The following UGGT2 variants were observed in gnomAD, a reference collection of about 807,000 sequenced individuals.
UGGT2 encodes UDP-glucose glycoprotein glucosyltransferase 2, also known as UDP-glucose:glycoprotein glucosyltransferase 2.
UGGT2 carries 180 observed loss-of-function variants against 192.1 expected under a neutral mutation model. That is an observed-to-expected ratio of 0.94 (90% CI 0.83 to 1.06). UGGT2 has a LOEUF of 1.06. Among genes scored for constraint, UGGT2 ranks in the 50% least tolerant of loss-of-function variants. UGGT2 has a pLI of 0.00. For missense variants in UGGT2, 1,849 were observed against 1,795.7 expected (o/e 1.03, Z -0.54); for synonymous variants, 580 against 591.0 (o/e 0.98, Z 0.27).
chr13:95,986,415 C>G lies in UGGT2; in HGVS notation c.949G>C (p.Ala317Pro). Reference protein sequence around the residue: ...WELQDLSFQAASQIMSAPVYD... With the variant: ...WELQDLSFQAPSQIMSAPVYD... ...ACTGGAGCGGACATTATTTGAGAAG[C>G]TGCTTGAAAACTAAGATCTGGAAGG... The change falls in exon 9 of 39, where the codon GCT becomes CCT. Residue 317 changes from alanine to proline, a missense_variant. By Grantham distance (27) the Ala-to-Pro change is conservative. Transcript: ENST00000376747. 1 of 1,601,024 alleles carries G rather than the reference C, an allele frequency of 6.2e-7. No individual in the cohort carries two copies. Among genetic ancestry groups the G allele is most frequent in the Non-Finnish European group, 8.5e-7 (1 of 1,170,456 alleles).
At chr13:95,955,350 C>T (rs1226229312) in intron 12 of UGGT2, among the ~76,000 whole-genome samples, 1 of 151,934 alleles carries the variant, frequency 6.6e-6, no homozygotes, top group Non-Finnish European at 1.5e-5. Context: ...AGAAAAGTTG[C>T]AATAGGCCAA....
chr13:95,812,940 T>C (rs910671743), intron 38 of UGGT2, among the ~76,000 whole-genome samples: 4 of 152,164 alleles, frequency 2.6e-5, no homozygotes, highest in Non-Finnish European at 5.9e-5. Context: ...GAACTATACA[T>C]TTTGATCGGT....
At chr13:95,925,126 A>G (rs1281225187) in intron 20 of UGGT2, among the ~76,000 whole-genome samples, 1 of 152,218 alleles carries the variant, frequency 6.6e-6, no homozygotes, top group African/African-American at 2.4e-5. Context: ...ATAAACTTAT[A>G]TATTAACTTA....
At chr13:95,840,200 C>A (rs556740473) in intron 36 of UGGT2, among the ~76,000 whole-genome samples, 1 of 152,222 alleles carries the variant, frequency 6.6e-6, no homozygotes, top group South Asian at 2.1e-4. Flanking sequence ...CAAATGGGAT[C>A]TATTTAAACT....
intron 8 of UGGT2, among the ~76,000 whole-genome samples, chr13:95,987,637 T>C (rs895543849): frequency 2.6e-5 from 4 of 152,146 alleles, no homozygotes; most frequent in African/African-American, 9.7e-5. Flanking sequence ...TATTAGAACT[T>C]AGACAAGAGC....
At chr13:95,994,094 A>G (rs1179881478) in intron 7 of UGGT2, among the ~76,000 whole-genome samples, 1 of 152,132 alleles carries the variant, frequency 6.6e-6, no homozygotes, top group Non-Finnish European at 1.5e-5. Flanking sequence ...GTTCAAGCTA[A>G]AGGTCCAATA....
chr13:96,043,004 G>A (rs1594632932), intron 1 of UGGT2, among the ~76,000 whole-genome samples: 1 of 152,112 alleles, frequency 6.6e-6, no homozygotes, highest in African/African-American at 2.4e-5. Context: ...AATACAAGAA[G>A]CTCAAAGAAC....
Position 95,801,818 on chromosome 13 carries a change from A to C in UGGT2, c.4529-6T>G, listed in dbSNP as rs199894301. The C allele has an allele frequency of 1.9e-6, 3 of 1,613,802 alleles. No individual in the cohort carries two copies. Among genetic ancestry groups the C allele is most frequent in the Non-Finnish European group, 2.5e-6 (3 of 1,179,806 alleles). Reference sequence around the variant, plus strand: ...GAGTTCATCATGTGTCAAAACTATAAGGGAGAAAAGTTTATTTAGCTTCTG... The same window carrying C: ...GAGTTCATCATGTGTCAAAACTATACGGGAGAAAAGTTTATTTAGCTTCTG... On this transcript the variant is annotated splice_polypyrimidine_tract_variant and splice_region_variant and intron_variant, in intron 38 of 38. Coordinates refer to ENST00000376747, the MANE Select transcript of UGGT2 (RefSeq NM_020121.4).
chr13:95,962,916 C>T (rs1229664560), intron 12 of UGGT2, among the ~76,000 whole-genome samples: 7 of 152,120 alleles, frequency 4.6e-5, no homozygotes. Context: ...GAACAAGTCA[C>T]ATCTTATATG....
chr13:95,937,142 T>TA (rs2049493212), intron 16 of UGGT2, 54 bp from the exon 17 acceptor site: 8 of 1,528,046 alleles, frequency 5.2e-6, no homozygotes, highest in Non-Finnish European at 7.0e-6. Flanking sequence ...GTTTGAATAA[T>TA]AAACATAAGA....
chr13:95,993,509 A>C (rs2140908032), intron 7 of UGGT2, among the ~76,000 whole-genome samples: 1 of 152,362 alleles, frequency 6.6e-6, no homozygotes, highest in East Asian at 1.9e-4. Flanking sequence ...AAAGAACTAT[A>C]AATTCCAAGA....
At position 95,832,964 on chromosome 13, in the gene UGGT2, T is replaced by C. The variant is rs1379648209; in HGVS notation, c.4491A>G (p.Gln1497=). The change falls in exon 38 of 39, where the codon CAA becomes CAG. Residue 1497 remains glutamine (Q), a synonymous_variant. Coordinates refer to ENST00000376747, the MANE Select transcript of UGGT2 (RefSeq NM_020121.4). ...EWVEYDAEIR[Q]LLDHLENKKQ... ...TCTTGTTTTCAAGATGATCTAATAG[T>C]TGTCTTATCTCAGCATCATACTCCA... 2.5e-6 allele frequency: 4 copies of C among 1,612,826 alleles called. No individual in the cohort carries two copies. The highest frequency in any genetic ancestry group is 4.5e-5 in the East Asian group (2 of 44,810).
intron 4 of UGGT2, among the ~76,000 whole-genome samples, chr13:96,017,048 T>C (rs190325232): frequency 7.9e-5 from 12 of 152,362 alleles, no homozygotes; most frequent in Admixed American, 6.5e-4. Context: ...ATGGGGCCTG[T>C]TACTCTTTTC....
intron 38 of UGGT2, among the ~76,000 whole-genome samples, chr13:95,825,535 T>C (rs529654183): frequency 4.6e-5 from 7 of 152,170 alleles, no homozygotes; most frequent in Non-Finnish European, 1.0e-4. Context: ...GAATTGTGAC[T>C]GCCTCTTGTG....
chr13:95,839,940 T>C (rs1341397836), intron 36 of UGGT2, among the ~76,000 whole-genome samples: 1 of 152,222 alleles, frequency 6.6e-6, no homozygotes, highest in Admixed American at 6.5e-5. Context: ...ACAGAAGATA[T>C]ATCAATGGCT....
intron 30 of UGGT2, among the ~76,000 whole-genome samples, chr13:95,865,435 A>G (rs1890574499): frequency 1.3e-5 from 2 of 152,220 alleles, no homozygotes; most frequent in South Asian, 4.1e-4. Flanking sequence ...ACTTGAGGTC[A>G]AGAATTTAAG....
At chr13:95,929,729 A>T (rs546945054) in intron 17 of UGGT2, among the ~76,000 whole-genome samples, 2 of 152,170 alleles carry the variant, frequency 1.3e-5, no homozygotes, top group African/African-American at 2.4e-5. Flanking sequence ...CTTTGCTATT[A>T]TGAATAGTGC....
intron 11 of UGGT2, among the ~76,000 whole-genome samples, chr13:95,971,347 C>T (rs1319794236): frequency 6.6e-6 from 1 of 152,098 alleles, no homozygotes; most frequent in Non-Finnish European, 1.5e-5. Flanking sequence ...ATTCCACATC[C>T]TCTGAAGACA....
In UGGT2 at chr13:96,013,241, G is replaced by T. The variant is rs570292091; in HGVS notation, c.660+66C>A. The T allele has an allele frequency of 1.0e-5, 15 of 1,431,098 alleles. No individual in the cohort carries two copies. In the Admixed American group the frequency reaches 3.9e-4, roughly 37 times the overall value. The allele number at this position is 1,431,098 out of a possible 1,614,324, so 88.6% of individuals were successfully genotyped here. A position where few individuals can be genotyped will look rare whatever the true frequency, so the allele number is the denominator to read the frequency against. ...GAAAATTAATATTTAAATCTAGTAA[G>T]ACGATTATCATAATAATTGTTTTTT... On this transcript the variant is annotated intron_variant, in intron 5 of 38. Coordinates refer to ENST00000376747, the MANE Select transcript of UGGT2 (RefSeq NM_020121.4).
Sources: gnomAD v4.1 joint callset for allele counts (sites outside exome capture counted in the v4.1 genomes callset) on GRCh38, gnomAD v4.1.1 for gene constraint, MANE v1.5 for transcripts, NCBI Gene and HGNC (gene_info 2026-07-23, HGNC 2026-07-21) for gene names.